The following ARHGEF18 variants were observed in gnomAD, a reference collection of about 807,000 sequenced individuals.
ARHGEF18 encodes the protein Rho/Rac guanine nucleotide exchange factor 18.
In ARHGEF18, 93 loss-of-function variants were observed where a neutral mutation model predicts 155.7. That is an observed-to-expected ratio of 0.60 (90% confidence interval 0.50 to 0.71). ARHGEF18 has a LOEUF of 0.71. Ranked by LOEUF, ARHGEF18 falls within the 30% of genes least tolerant of loss-of-function variation. The pLI is 0.00. For synonymous variants in ARHGEF18, 742 were observed against 753.1 expected, an observed-to-expected ratio of 0.99 and a Z score of 0.24; for missense variants, 1,593 against 1,816.1, an observed-to-expected ratio of 0.88 and a Z score of 2.23.
At chr19:7,407,430 A>G (rs1972385819) in intron 10 of ARHGEF18, among the ~76,000 whole-genome samples, 1 of 151,820 alleles carries the variant, frequency 6.6e-6, no homozygotes, top group Non-Finnish European at 1.5e-5. Flanking sequence ...AGTCTCAAAA[A>G]AAAAAAAAAA....
chr19:7,416,605 G>GTTTTTTT (rs71179109), intron 10 of ARHGEF18, among the ~76,000 whole-genome samples: 3 of 90,436 alleles, frequency 3.3e-5, no homozygotes, highest in African/African-American at 1.3e-4. Flanking sequence ...TTTTATTTGG[G>GTTTTTTT]TTTTTTTTTT....
intron 1 of ARHGEF18, among the ~76,000 whole-genome samples, chr19:7,353,199 C>A (rs1969199182): frequency 6.6e-6 from 1 of 151,850 alleles, no homozygotes; most frequent in South Asian, 2.1e-4. Flanking sequence ...GCCTTCCAAG[C>A]AAGGGTGGTT....
At chr19:7,373,096 TC>T in intron 3 of ARHGEF18, 25 bp downstream of exon 3, 1 of 1,234,444 alleles carries the variant, frequency 8.1e-7, no homozygotes, top group Non-Finnish European at 1.0e-6. Flanking sequence ...GCTGCCTGCT[TC>T]CCACAATGCA....
At chr19:7,371,667 A>G (rs1394384737) in intron 2 of ARHGEF18, among the ~76,000 whole-genome samples, 1 of 152,006 alleles carries the variant, frequency 6.6e-6, no homozygotes, top group Non-Finnish European at 1.5e-5. Context: ...CTAAAAATAC[A>G]AAAATTAGCC....
At chr19:7,457,514 C>A (rs1022804929) in intron 18 of ARHGEF18, among the ~76,000 whole-genome samples, 1 of 151,750 alleles carries the variant, frequency 6.6e-6, no homozygotes, top group Non-Finnish European at 1.5e-5. Context: ...AGGCACCTGC[C>A]GCCACACCCG....
chr19:7,401,665 T>G (rs1972024976), intron 10 of ARHGEF18, among the ~76,000 whole-genome samples: 1 of 152,156 alleles, frequency 6.6e-6, no homozygotes. Context: ...GTAGCTGCCT[T>G]GGGAAACAGG....
intron 26 of ARHGEF18, among the ~76,000 whole-genome samples, chr19:7,468,246 G>A (rs1165228624): frequency 2.7e-5 from 2 of 74,006 alleles, no homozygotes; most frequent in South Asian, 4.7e-4. Context: ...GTGAGACCCC[G>A]TCTCAAAAAA....
At position 7,397,504 on chromosome 19, in the gene ARHGEF18, G is replaced by C. The variant is rs572029026; in HGVS notation, c.967+14301G>C. Reference sequence around the variant, plus strand: ...CCCAGCACTTTGGGAGGCCCGGGGGGGGGCAGATCACGAGGTCAGGAGATT... The same window carrying C: ...CCCAGCACTTTGGGAGGCCCGGGGGCGGGCAGATCACGAGGTCAGGAGATT... On this transcript the variant is annotated intron_variant, in intron 10 of 28. Transcript: ENST00000668164. Among the ~76,000 whole-genome samples, 46 of 152,064 alleles carry C rather than the reference G, an allele frequency of 3.0e-4. No homozygotes were observed. The East Asian group carries it at 7.0e-3, about 23-fold the overall frequency.
intron 1 of ARHGEF18, among the ~76,000 whole-genome samples, chr19:7,352,321 G>T (rs1171173275): frequency 6.6e-6 from 1 of 151,534 alleles, no homozygotes; most frequent in Non-Finnish European, 1.5e-5. Context: ...TGCTCCTAGG[G>T]TGTAGTCTTT....
At chr19:7,474,668 G>A (rs570940441), downstream of ARHGEF18, among the ~76,000 whole-genome samples, 7 of 151,962 alleles carry the variant, frequency 4.6e-5, no homozygotes, top group East Asian at 5.9e-4. Flanking sequence ...GTGAGCCACC[G>A]CGCCTGGTCT....
At chr19:7,366,583 T>A (rs1230006135) in intron 2 of ARHGEF18, among the ~76,000 whole-genome samples, 1 of 152,118 alleles carries the variant, frequency 6.6e-6, no homozygotes, top group African/African-American at 2.4e-5. Context: ...CCCCCTCAGA[T>A]CTTCCCCAGC....
At chr19:7,405,438 C>G (rs1023483415) in intron 10 of ARHGEF18, among the ~76,000 whole-genome samples, 2 of 152,186 alleles carry the variant, frequency 1.3e-5, no homozygotes, top group African/African-American at 4.8e-5. Context: ...AGGGCCCACC[C>G]TAAATCGAAA....
In ARHGEF18 at chr19:7,453,569, G is replaced by A. The variant is rs760640146; in HGVS notation, c.1958G>A (p.Arg653His). 9.3e-6 allele frequency: 15 copies of A among 1,614,018 alleles called. No homozygotes were observed. Among genetic ancestry groups the A allele is most frequent in the South Asian group, 7.7e-5 (7 of 91,056 alleles). Residue 653 changes from arginine to histidine, a missense_variant, in exon 17 of 29, where the codon CGC becomes CAC. Physicochemically the swap from Arg to His is conservative, Grantham distance 29. Coordinates refer to ENST00000668164, the MANE Select transcript of ARHGEF18 (RefSeq NM_001367823.1). The stretch of plus-strand genomic sequence containing the variant: ...GTCAGTGAGTGTGAGAAGGGCCAGC[G>A]CCTCAGGGAGATCGCAGGGAAGATG... Reference protein sequence around the residue: ...AKVSECEKGQRLREIAGKMDL... With the variant: ...AKVSECEKGQHLREIAGKMDL...
rs372808534 is a variant in ARHGEF18 at position 7,466,987 on chromosome 19, G to A, written c.2961+13G>A. 1,483 of 1,613,312 alleles carry A rather than the reference G, an allele frequency of 9.2e-4. 24 individuals are homozygous for A. In the South Asian group the frequency reaches 0.015, roughly 16 times the overall value. ...CCTGGAGTCGGAGGTAGGCGCCCGC[G>A]GGTCTCCATCTCCCCAGGGCCTTGT... On this transcript the variant is annotated intron_variant, in intron 24 of 28. Transcript: ENST00000668164.
At chr19:7,406,884 C>G (rs965442780) in intron 10 of ARHGEF18, among the ~76,000 whole-genome samples, 21 of 150,086 alleles carry the variant, frequency 1.4e-4, no homozygotes, top group Admixed American at 6.7e-5. Context: ...GAAACCCCGT[C>G]TCTACTAAAA....
chr19:7,351,057 G>T (rs147054300), intron 1 of ARHGEF18, among the ~76,000 whole-genome samples: 1,922 of 152,236 alleles, frequency 0.013, 32 homozygotes, highest in African/African-American at 0.043. Flanking sequence ...GCCTGCCTTG[G>T]CCTCCCAAAG....
chr19:7,404,797 G>A (rs1972214401), intron 10 of ARHGEF18, among the ~76,000 whole-genome samples: 1 of 152,002 alleles, frequency 6.6e-6, no homozygotes, highest in Non-Finnish European at 1.5e-5. Context: ...TGAAGACAGG[G>A]GCCTCAGGGA....
chr19:7,369,759 T>C (rs955536926), intron 2 of ARHGEF18, among the ~76,000 whole-genome samples: 3 of 152,046 alleles, frequency 2.0e-5, no homozygotes, highest in African/African-American at 7.2e-5. Context: ...ACTATGCCAT[T>C]GCATTCCAGC....
At chr19:7,355,304 C>T (rs753975612) in intron 1 of ARHGEF18, among the ~76,000 whole-genome samples, 27 of 152,100 alleles carry the variant, frequency 1.8e-4, no homozygotes, top group Non-Finnish European at 3.7e-4. Flanking sequence ...AACACTCAGA[C>T]ATCCATGCAC....
Sources: allele counts gnomAD v4.1 joint callset (sites outside exome capture counted in the v4.1 genomes callset), GRCh38; gene constraint gnomAD v4.1.1; transcripts MANE v1.5; gene names NCBI Gene and HGNC (gene_info 2026-07-23, HGNC 2026-07-21).